NDE1: variants seen among roughly 807,000 people sequenced by gnomAD.
NDE1 encodes the protein nudE neurodevelopment protein 1.
Under a neutral mutation model 43.4 loss-of-function variants are expected in NDE1, and 28 were observed. The ratio of observed to expected loss-of-function variants is 0.65; its 90% CI spans 0.48 to 0.89. The LOEUF is 0.89. Among genes scored for constraint, NDE1 ranks in the 40% least tolerant of loss-of-function variants. The pLI is 0.00. For synonymous variants in NDE1, 184 were observed against 172.0 expected (o/e 1.07, Z -0.55); for missense variants, 441 against 434.1 (o/e 1.02, Z -0.14).
At chr16:15,650,719 A>C (rs1435932552) in intron 1 of NDE1, among the ~76,000 whole-genome samples, 5 of 144,754 alleles carry the variant, frequency 3.5e-5, no homozygotes, top group Non-Finnish European at 4.6e-5. Context: ...TCCTCCCCAT[A>C]CTCCTCTCCT....
intron 8 of NDE1, chr16:15,714,781 G>T: frequency 8.3e-7 from 1 of 1,200,240 alleles, no homozygotes; most frequent in Non-Finnish European, 1.2e-6. Context: ...AGGAGAAGCA[G>T]GAATAAACCA....
At chr16:15,676,874 C>A (rs1046964326) in intron 3 of NDE1, among the ~76,000 whole-genome samples, 1 of 152,244 alleles carries the variant, frequency 6.6e-6, no homozygotes, top group Non-Finnish European at 1.5e-5. Flanking sequence ...GTGAGCCGGG[C>A]TGGTGACTCT....
At chr16:15,666,123 C>T (rs907765788) in intron 2 of NDE1, among the ~76,000 whole-genome samples, 3 of 152,088 alleles carry the variant, frequency 2.0e-5, no homozygotes, top group African/African-American at 7.2e-5. Context: ...TCTTTGTGCA[C>T]AGGGAAAGAG....
chr16:15,686,372 C>G, intron 4 of NDE1: 2 of 985,288 alleles, frequency 2.0e-6, no homozygotes, highest in Non-Finnish European at 2.4e-6. Context: ...AGAATTATAA[C>G]AGATTGTTTT....
chr16:15,652,640 G>C (rs1001201220), intron 1 of NDE1, among the ~76,000 whole-genome samples: 3 of 152,110 alleles, frequency 2.0e-5, no homozygotes, highest in Non-Finnish European at 2.9e-5. Flanking sequence ...TGGAACAATA[G>C]CTATTTTACT....
intron 8 of NDE1, chr16:15,719,284 G>T: frequency 6.2e-7 from 1 of 1,612,536 alleles, no homozygotes; most frequent in South Asian, 1.1e-5. Context: ...GCTTGTTTGC[G>T]AGCCCTCTCA....
intron 1 of NDE1, among the ~76,000 whole-genome samples, chr16:15,661,724 G>A (rs2037055023): frequency 6.6e-6 from 1 of 151,932 alleles, no homozygotes; most frequent in Non-Finnish European, 1.5e-5. Flanking sequence ...GATTACAGGT[G>A]CGAGGCACTG....
chr16:15,708,913 A>T, intron 8 of NDE1: 1 of 1,406,324 alleles, frequency 7.1e-7, no homozygotes, highest in Non-Finnish European at 9.9e-7. Context: ...TATATTCTTA[A>T]TTGTTAAAGA....
chr16:15,684,840 G>T (rs540717610), intron 4 of NDE1, among the ~76,000 whole-genome samples: 1 of 152,194 alleles, frequency 6.6e-6, no homozygotes, highest in African/African-American at 2.4e-5. Flanking sequence ...CTGGACCTTT[G>T]GTTCCTTTGT....
In NDE1 at chr16:15,659,425, C is replaced by CTTTTT. The variant is rs35091023; in HGVS notation, c.-43-5286_-43-5282dup. 9.5e-4 allele frequency among the ~76,000 whole-genome samples: 56 copies of CTTTTT among 58,908 alleles called. 10 individuals are homozygous for CTTTTT. Among genetic ancestry groups the CTTTTT allele is most frequent in the African/African-American group, 1.6e-3 (22 of 14,150 alleles). 38.6% of individuals were successfully genotyped at this position (58,908 alleles called of 152,430 possible). A position where few individuals can be genotyped will look rare whatever the true frequency, so the allele number is the denominator to read the frequency against. On this transcript the variant is annotated intron_variant, in intron 1 of 8. Transcript: ENST00000396354. Reference sequence around the variant, plus strand: ...GGAAGGAAGGGACCTTGCACACAATCTTTTTTTTTTTTTTTTTTTTTTTTT... The same window carrying CTTTTT: ...GGAAGGAAGGGACCTTGCACACAATCTTTTTTTTTTTTTTTTTTTTTTTTTTTTTT...
chr16:15,721,121 G>T, intron 8 of NDE1: 2 of 1,538,514 alleles, frequency 1.3e-6, no homozygotes, highest in South Asian at 2.2e-5. Context: ...AACCCACCGT[G>T]AGCGGCACCT....
At chr16:15,675,140 G>A (rs934652268) in intron 3 of NDE1, among the ~76,000 whole-genome samples, 8 of 152,030 alleles carry the variant, frequency 5.3e-5, no homozygotes, top group South Asian at 2.1e-4. Context: ...GGCAGGAGGT[G>A]GGAGGCACTT....
At chr16:15,668,849 G>T (rs907722621) in intron 3 of NDE1, among the ~76,000 whole-genome samples, 1 of 152,058 alleles carries the variant, frequency 6.6e-6, no homozygotes, top group Admixed American at 6.6e-5. Context: ...ATTGGAGCCC[G>T]GATCATCCTC....
At position 15,677,717 on chromosome 16, in the gene NDE1, G is replaced by A. The variant is rs1477136184; in HGVS notation, c.238-84G>A. On this transcript the variant is annotated intron_variant, in intron 3 of 8. Transcript: ENST00000396354. ...TCCCAGTTTAGCCTCCCGAGTAGCT[G>A]TGACTCCAGGTGGATGTGTGCTACT... 10 of 1,503,594 alleles carry A rather than the reference G, an allele frequency of 6.7e-6. No homozygotes were observed. In the African/African-American group the frequency reaches 8.2e-5, roughly 12 times the overall value. The allele number at this position is 1,503,594 out of a possible 1,614,324, so 93.1% of individuals were successfully genotyped here. A position where few individuals can be genotyped will look rare whatever the true frequency, so the allele number is the denominator to read the frequency against.
upstream of NDE1, among the ~76,000 whole-genome samples, chr16:15,648,614 C>T (rs954145540): frequency 6.6e-6 from 1 of 151,892 alleles, no homozygotes; most frequent in Admixed American, 6.6e-5. Context: ...CGAGACCAGC[C>T]TGGCCAACAC....
chr16:15,721,489 C>A lies in NDE1; in HGVS notation c.948-2702C>A. ...TTCGGCTTTGAGCATTTTGTTGGTC[C>A]GCTCGAGTTCCTCTTTGGCTTCCAA... On this transcript the variant is annotated intron_variant, in intron 8 of 8. Coordinates refer to ENST00000396354, the MANE Select transcript of NDE1 (RefSeq NM_017668.3). 1 of 1,614,182 alleles carries A rather than the reference C, an allele frequency of 6.2e-7. No homozygotes were observed.
At chr16:15,643,403 T>A (rs1266558000) in exon 1 of NDE1, 1 of 480,956 alleles carries the variant, frequency 2.1e-6, no homozygotes. Flanking sequence ...GCCTTCCCCC[T>A]GGCTTCACGT....
At chr16:15,653,218 T>G (rs1448143531) in intron 1 of NDE1, among the ~76,000 whole-genome samples, 4 of 152,196 alleles carry the variant, frequency 2.6e-5, no homozygotes, top group Non-Finnish European at 4.4e-5. Flanking sequence ...TTCCATTCAG[T>G]CCTCTGTTGA....
At chr16:15,719,393 G>T in intron 8 of NDE1, 1 of 1,506,940 alleles carries the variant, frequency 6.6e-7, no homozygotes, top group Non-Finnish European at 9.1e-7. Context: ...AGCCACCCTT[G>T]AAAGTACATG....
Sources: allele counts gnomAD v4.1 joint callset (sites outside exome capture counted in the v4.1 genomes callset), GRCh38; gene constraint gnomAD v4.1.1; transcripts MANE v1.5; gene names NCBI Gene and HGNC (gene_info 2026-07-23, HGNC 2026-07-21).